The following ANKRD46 variants were observed in gnomAD, a reference collection of about 807,000 sequenced individuals.
ANKRD46 encodes the protein ankyrin repeat domain 46, also known as ankyrin repeat domain-containing protein 46.
A neutral mutation model predicts 19.8 loss-of-function variants in ANKRD46; 13 were observed. That is an observed-to-expected ratio of 0.66 (90% confidence interval 0.43 to 1.04). ANKRD46 has a LOEUF of 1.04. Among genes scored for constraint, ANKRD46 ranks in the 50% least tolerant of loss-of-function variants. The pLI is 0.00. For missense variants in ANKRD46, 185 were observed against 274.8 expected (o/e 0.67, Z 2.31); for synonymous variants, 91 against 106.9 (o/e 0.85, Z 0.92).
chr8:100,523,140 T>TAA (rs1811768192), intron 4 of ANKRD46, among the ~76,000 whole-genome samples: 1 of 144,746 alleles, frequency 6.9e-6, no homozygotes, highest in Non-Finnish European at 1.5e-5. Flanking sequence ...CCAGCCTGGG[T>TAA]AACATAGCGA....
chr8:100,556,771 CAGTT>C (rs1812508930), intron 1 of ANKRD46: 1 of 152,224 alleles, frequency 6.6e-6, no homozygotes, highest in African/African-American at 2.4e-5. Context: ...GGAGGAGACA[CAGTT>C]GGTCACTTTC....
chr8:100,511,865 A>C lies in ANKRD46; in HGVS notation c.637-1226T>G, dbSNP rs1435602720. 6.6e-6 allele frequency among the ~76,000 whole-genome samples: 1 copy of C among 152,148 alleles called. No homozygotes were observed. The highest frequency in any genetic ancestry group is 1.9e-4 in the East Asian group (1 of 5,194). On this transcript the variant is annotated intron_variant, in intron 5 of 5. Transcript: ENST00000520552. This position sits in a 1 kb window ranked among gnomAD's most constrained non-coding sequence, Gnocchi z 4.1. ...AATGGTGAAACGCCATCTCTACTAA[A>C]AATACAAAAATTAGCTGGGTGGGGT...
chr8:100,518,776 C>T (rs1431299727), downstream of ANKRD46, among the ~76,000 whole-genome samples: 1 of 151,224 alleles, frequency 6.6e-6, no homozygotes, highest in Admixed American at 6.6e-5. Context: ...GGCGTGAACC[C>T]GGGAGGCAGA....
Position 100,534,303 on chromosome 8 carries a change from G to A in ANKRD46, c.-130-992C>T, listed in dbSNP as rs553626399. 6.6e-6 allele frequency among the ~76,000 whole-genome samples: 1 copy of A among 152,322 alleles called. No homozygotes were observed. The highest frequency in any genetic ancestry group is 1.9e-4 in the East Asian group (1 of 5,182). On this transcript the variant is annotated intron_variant, in intron 1 of 4. Transcript: ENST00000335659. This position sits in a 1 kb window ranked among gnomAD's most constrained non-coding sequence, Gnocchi z 4.2. ...CTATCAGTGCTAGGCTGGAACTGATGACAATAGCTGACAAACTGTACCTGA... is the reference window on the plus strand; with the variant it reads ...CTATCAGTGCTAGGCTGGAACTGATAACAATAGCTGACAAACTGTACCTGA...
chr8:100,554,536 T>A (rs34370902), intron 1 of ANKRD46: 7,682 of 152,086 alleles, frequency 0.051, 302 homozygotes, highest in Non-Finnish European at 0.074. Context: ...CTGGGCAACA[T>A]AGTGTGAAAC....
chr8:100,510,414 C>T lies in ANKRD46; in HGVS notation c.*163G>A. ...CAGGGCAGGACTGGAGAGGAGGGGA[C>T]AGGTGGTAGCAGGTCCCTCTGCCTC... On this transcript the variant is annotated 3_prime_UTR_variant, in exon 6 of 6. Coordinates refer to the ANKRD46 transcript ENST00000520552. The surrounding 1 kb of genome is among the most constrained non-coding windows in gnomAD (Gnocchi z 4.9). 1 of 570,836 alleles carries T rather than the reference C, an allele frequency of 1.8e-6. No homozygotes were observed. The highest frequency in any genetic ancestry group is 2.9e-6 in the Non-Finnish European group (1 of 347,036). 35.4% of individuals were successfully genotyped at this position (570,836 alleles called of 1,614,324 possible).
In ANKRD46 at chr8:100,540,145, T is replaced by C. The variant is rs1193266297; in HGVS notation, c.-130-6834A>G. ...CCTATAATAACTCATTTAATCCTCATAGAAACCCTACAAGGTACATGCATA... is the reference window on the plus strand; with the variant it reads ...CCTATAATAACTCATTTAATCCTCACAGAAACCCTACAAGGTACATGCATA... On this transcript the variant is annotated intron_variant, in intron 1 of 4. Transcript: ENST00000335659. Among the ~76,000 whole-genome samples the C allele has an allele frequency of 4.6e-5, 7 of 151,832 alleles. No homozygotes were observed. The East Asian group carries it at 1.2e-3, about 25-fold the overall frequency.
At position 100,543,456 on chromosome 8, in the gene ANKRD46, CTG is replaced by C. The variant is rs1427720117; in HGVS notation, c.-130-10147_-130-10146del. 1.3e-5 allele frequency among the ~76,000 whole-genome samples: 2 copies of C among 152,154 alleles called. No individual in the cohort carries two copies. Among genetic ancestry groups the C allele is most frequent in the Non-Finnish European group, 2.9e-5 (2 of 68,008 alleles). ...GATAGGAGCAGGACACAATATAAAA[CTG>C]TTAAGAACTTGTTTTTAAAAGTTTG... is the stretch of plus-strand genomic sequence containing the variant. On this transcript the variant is annotated intron_variant, in intron 1 of 4. Coordinates refer to ENST00000335659, the MANE Select transcript of ANKRD46 (RefSeq NM_001270377.2). This position sits in a 1 kb window ranked among gnomAD's most constrained non-coding sequence, Gnocchi z 4.2.
Position 100,522,382 on chromosome 8 carries a change from G to A in ANKRD46, c.*173C>T. On this transcript the variant is annotated 3_prime_UTR_variant, in exon 5 of 5. Coordinates refer to ENST00000335659, the MANE Select transcript of ANKRD46 (RefSeq NM_001270377.2). ...GATGCAATATACTTGATCATAGTAT[G>A]TAGTTAGTTCAAATGAACACATCAT... 7.0e-7 allele frequency: 1 copy of A among 1,428,672 alleles called. No individual in the cohort carries two copies. The highest frequency in any genetic ancestry group is 9.1e-7 in the Non-Finnish European group (1 of 1,096,652). The allele number at this position is 1,428,672 out of a possible 1,614,324, so 88.5% of individuals were successfully genotyped here. A position where few individuals can be genotyped will look rare whatever the true frequency, so the allele number is the denominator to read the frequency against.
rs545076089 is a variant in ANKRD46, at chr8:100,545,915, G to A, written c.-130-12604C>T. On this transcript the variant is annotated intron_variant, in intron 1 of 4. Coordinates refer to ENST00000335659, the MANE Select transcript of ANKRD46 (RefSeq NM_001270377.2). This position sits in a 1 kb window ranked among gnomAD's most constrained non-coding sequence, Gnocchi z 4.7. ...TTTTGCCCCTGACCTAGAGATCTGC[G>A]GAACTTTGAACTTGAGAGAGATGAT... Among the ~76,000 whole-genome samples, 22 of 152,308 alleles carry A rather than the reference G, an allele frequency of 1.4e-4. No homozygotes were observed. In the East Asian group the frequency reaches 1.9e-3, roughly 13 times the overall value.
At chr8:100,540,929 G>GT (rs1287189035) in intron 1 of ANKRD46, among the ~76,000 whole-genome samples, 1 of 150,802 alleles carries the variant, frequency 6.6e-6, no homozygotes, top group South Asian at 2.1e-4. Context: ...CTTTAAAACT[G>GT]TTTTTTTCTA....
Position 100,521,178 on chromosome 8 carries a change from A to G in ANKRD46, c.*1377T>C. 4.1e-6 allele frequency: 4 copies of G among 985,210 alleles called. No homozygotes were observed. The highest frequency in any genetic ancestry group is 1.7e-5 in the African/African-American group (1 of 57,266). The allele number at this position is 985,210 out of a possible 1,614,324, so 61.0% of individuals were successfully genotyped here. A position where few individuals can be genotyped will look rare whatever the true frequency, so the allele number is the denominator to read the frequency against. ...GAGCAAGCCTCAATACTAGATACATAGATACAAGAGAAAATACCAAGAAGC... is the reference window on the plus strand; with the variant it reads ...GAGCAAGCCTCAATACTAGATACATGGATACAAGAGAAAATACCAAGAAGC... On this transcript the variant is annotated 3_prime_UTR_variant, in exon 5 of 5. Coordinates refer to ENST00000335659, the MANE Select transcript of ANKRD46 (RefSeq NM_001270377.2).
At position 100,529,422 on chromosome 8, in the gene ANKRD46, T is replaced by G; in HGVS notation, c.311+101A>C. On this transcript the variant is annotated intron_variant, in intron 3 of 4. Coordinates refer to ENST00000335659, the MANE Select transcript of ANKRD46 (RefSeq NM_001270377.2). The surrounding 1 kb of genome is among the most constrained non-coding windows in gnomAD (Gnocchi z 5.8). ...CAATGCTTTCTGAACTTATTTCAAC[T>G]GATTAATGAGGAAACAAAACCAACA... The G allele has an allele frequency of 8.1e-7, 1 of 1,234,712 alleles. No individual in the cohort carries two copies. The allele number at this position is 1,234,712 out of a possible 1,614,324, so 76.5% of individuals were successfully genotyped here.
Position 100,537,951 on chromosome 8 carries a change from C to A in ANKRD46, c.-130-4640G>T, listed in dbSNP as rs1271310180. Among the ~76,000 whole-genome samples, 2 of 152,084 alleles carry A rather than the reference C, an allele frequency of 1.3e-5. No individual in the cohort carries two copies. Among genetic ancestry groups the A allele is most frequent in the African/African-American group, 4.8e-5 (2 of 41,400 alleles). ...CAGCTGCTGTAAGTTGTCAAGATAACCAGGAGAAAACAGTTCATGTAAAAC... is the reference window on the plus strand; with the variant it reads ...CAGCTGCTGTAAGTTGTCAAGATAAACAGGAGAAAACAGTTCATGTAAAAC... On this transcript the variant is annotated intron_variant, in intron 1 of 4. Coordinates refer to ENST00000335659, the MANE Select transcript of ANKRD46 (RefSeq NM_001270377.2). The surrounding 1 kb of genome is among the most constrained non-coding windows in gnomAD (Gnocchi z 4.2).
chr8:100,530,031 CA>C (rs1191122204), intron 2 of ANKRD46, among the ~76,000 whole-genome samples, 171 bp from the exon 3 acceptor site: 21 of 152,294 alleles, frequency 1.4e-4, no homozygotes, highest in Non-Finnish European at 3.1e-4. Context: ...TCCATTAAAA[CA>C]TTTTATTTTC....
Position 100,522,122 on chromosome 8 carries a change from AGT to A in ANKRD46, c.*431_*432del, listed in dbSNP as rs1811735552. 20 of 990,494 alleles carry A rather than the reference AGT, an allele frequency of 2.0e-5. No individual in the cohort carries two copies. The highest frequency in any genetic ancestry group is 2.4e-5 in the Non-Finnish European group (20 of 832,828). The allele number at this position is 990,494 out of a possible 1,614,324, so 61.4% of individuals were successfully genotyped here. A position where few individuals can be genotyped will look rare whatever the true frequency, so the allele number is the denominator to read the frequency against. On this transcript the variant is annotated 3_prime_UTR_variant, in exon 5 of 5. Transcript: ENST00000335659. ...TTATCCCTAGAGAAAGTAAATAAAAAGTGGCTCTTGCAAAAATAAATGAAAAC... is the reference window on the plus strand; with the variant it reads ...TTATCCCTAGAGAAAGTAAATAAAAAGGCTCTTGCAAAAATAAATGAAAAC...
At chr8:100,548,619 C>G (rs1388859883) in intron 1 of ANKRD46, among the ~76,000 whole-genome samples, 1 of 152,212 alleles carries the variant, frequency 6.6e-6, no homozygotes, top group Non-Finnish European at 1.5e-5. Flanking sequence ...ACACTAAGTG[C>G]TCAACCTGTA....
Position 100,521,250 on chromosome 8 carries a change from A to C in ANKRD46, c.*1305T>G, listed in dbSNP as rs1196710730. On this transcript the variant is annotated 3_prime_UTR_variant, in exon 5 of 5. Transcript: ENST00000335659. ...AATTCTATTCTAAAGCATAATTTCT[A>C]ATTCTAGCAGCAATTCAATTAGCAA... is the stretch of plus-strand genomic sequence containing the variant. 2 of 985,400 alleles carry C rather than the reference A, an allele frequency of 2.0e-6. No individual in the cohort carries two copies. The highest frequency in any genetic ancestry group is 2.4e-6 in the Non-Finnish European group (2 of 829,932). 61.0% of individuals were successfully genotyped at this position (985,400 alleles called of 1,614,324 possible).
In ANKRD46 at chr8:100,543,063, T is replaced by C. The variant is rs1342086510; in HGVS notation, c.-130-9752A>G. 1.3e-5 allele frequency among the ~76,000 whole-genome samples: 2 copies of C among 152,124 alleles called. No homozygotes were observed. Among genetic ancestry groups the C allele is most frequent in the Non-Finnish European group, 2.9e-5 (2 of 68,036 alleles). On this transcript the variant is annotated intron_variant, in intron 1 of 4. Transcript: ENST00000335659. The surrounding 1 kb of genome is among the most constrained non-coding windows in gnomAD (Gnocchi z 4.2). ...GAAAAGAAGATGACAAGTTCCTATATCAGTTTCCCATGGAGCTATTTTTGC... is the reference window on the plus strand; with the variant it reads ...GAAAAGAAGATGACAAGTTCCTATACCAGTTTCCCATGGAGCTATTTTTGC...
Sources: gnomAD v4.1 joint callset for allele counts (sites outside exome capture counted in the v4.1 genomes callset) on GRCh38, gnomAD v4.1.1 for gene constraint, Gnocchi (gnomAD v3.1) non-coding constraint, MANE v1.5 for transcripts, NCBI Gene and HGNC (gene_info 2026-07-23, HGNC 2026-07-21) for gene names.